The following PTPRS variants were observed in gnomAD, a reference collection of about 807,000 sequenced individuals.
The protein encoded by PTPRS is protein tyrosine phosphatase receptor type S.
Under a neutral mutation model 215.3 loss-of-function variants are expected in PTPRS, and 63 were observed. That is an observed-to-expected ratio of 0.29 (90% CI 0.24 to 0.36). The LOEUF (loss-of-function observed/expected upper bound fraction) is 0.36, where lower values mean the gene tolerates loss of function less well. Among genes scored for constraint, PTPRS ranks in the 10% least tolerant of loss-of-function variants. The probability of loss-of-function intolerance (pLI) is 1.00; values close to 1 mark genes in which losing one functional copy is unlikely to be tolerated. For missense variants in PTPRS, 2,258 were observed against 2,825.8 expected, an observed-to-expected ratio of 0.80 and a Z score of 4.56; for synonymous variants, 1,404 against 1,191.4, an observed-to-expected ratio of 1.18 and a Z score of -3.68.
intron 1 of PTPRS, among the ~76,000 whole-genome samples, chr19:5,340,071 G>A (rs2050639613): frequency 6.6e-6 from 1 of 151,778 alleles, no homozygotes; most frequent in Non-Finnish European, 1.5e-5. Flanking sequence ...AGACTAGGGG[G>A]TCTCCAGGGG....
intron 4 of PTPRS, among the ~76,000 whole-genome samples, chr19:5,266,098 T>G (rs1482689959): frequency 6.6e-6 from 1 of 151,646 alleles, no homozygotes; most frequent in African/African-American, 2.4e-5. Context: ...CTGTCTCCAT[T>G]AAAAACAAAA....
intron 35 of PTPRS, among the ~76,000 whole-genome samples, chr19:5,208,692 A>AACTT (rs1251619229): frequency 1.3e-5 from 2 of 151,896 alleles, no homozygotes; most frequent in African/African-American, 4.8e-5. Flanking sequence ...TTACCCTGAC[A>AACTT]ACTTACCGTC....
At chr19:5,328,389 C>T (rs991493515) in intron 1 of PTPRS, among the ~76,000 whole-genome samples, 8 of 151,990 alleles carry the variant, frequency 5.3e-5, no homozygotes, top group African/African-American at 9.7e-5. Context: ...GGATTACAGG[C>T]GTGCACCACC....
At chr19:5,292,983 A>T (rs1301230343) in intron 1 of PTPRS, among the ~76,000 whole-genome samples, 2 of 152,058 alleles carry the variant, frequency 1.3e-5, no homozygotes, top group Non-Finnish European at 2.9e-5. Context: ...CAGCAGGCCC[A>T]AGCTGGCCCT....
intron 2 of PTPRS, among the ~76,000 whole-genome samples, chr19:5,283,971 T>C (rs1397099583): frequency 6.6e-6 from 1 of 151,992 alleles, no homozygotes; most frequent in Non-Finnish European, 1.5e-5. Context: ...TCCCAGTACT[T>C]TGGGAGGCTG....
At chr19:5,215,462 CGAGGTGAT>C in intron 27 of PTPRS, 28 bp downstream of exon 27, 1 of 1,566,126 alleles carries the variant, frequency 6.4e-7, no homozygotes, top group Non-Finnish European at 8.7e-7. Flanking sequence ...CCTGTGAGGC[CGAGGTGAT>C]GAGGGTGGGA....
In PTPRS at chr19:5,295,101, G is replaced by A. The variant is rs375476972; in HGVS notation, c.-94-8867C>T. Among the ~76,000 whole-genome samples the A allele has an allele frequency of 1.3e-5, 2 of 152,190 alleles. No individual in the cohort carries two copies. Among genetic ancestry groups the A allele is most frequent in the Non-Finnish European group, 1.5e-5 (1 of 68,026 alleles). On this transcript the variant is annotated intron_variant, in intron 1 of 37. Coordinates refer to ENST00000262963, the MANE Select transcript of PTPRS (RefSeq NM_002850.4). The surrounding 1 kb of genome is among the most constrained non-coding windows in gnomAD (Gnocchi z 4.6). The stretch of plus-strand genomic sequence containing the variant: ...CTTGCTTGTATCTGTGGCAAGGCAC[G>A]GGGCTCATACAGACTCGAGTTTGAA...
chr19:5,278,106 A>G, intron 2 of PTPRS: 2 of 634,188 alleles, frequency 3.2e-6, no homozygotes, highest in Non-Finnish European at 5.3e-6. Flanking sequence ...ACCAACCCCA[A>G]TGCCAGGCTG....
intron 9 of PTPRS, chr19:5,251,130 G>A (rs1418794050): frequency 2.0e-5 from 3 of 152,942 alleles, no homozygotes; most frequent in Non-Finnish European, 4.4e-5. Flanking sequence ...GGAGGGGTTG[G>A]AAACATTCCT....
intron 16 of PTPRS, among the ~76,000 whole-genome samples, chr19:5,226,672 C>T (rs2042530376): frequency 6.6e-6 from 1 of 152,064 alleles, no homozygotes; most frequent in African/African-American, 2.4e-5. Flanking sequence ...TCACTTGAAC[C>T]CAGGAGGCGG....
At chr19:5,269,781 C>T (rs972623384) in intron 4 of PTPRS, among the ~76,000 whole-genome samples, 15 of 152,090 alleles carry the variant, frequency 9.9e-5, no homozygotes, top group African/African-American at 1.4e-4. Flanking sequence ...ATTAGCTGGG[C>T]GTGCTAGTGG....
chr19:5,262,925 G>A, intron 6 of PTPRS, 39 bp downstream of exon 6: 1 of 1,559,506 alleles, frequency 6.4e-7, no homozygotes, highest in Non-Finnish European at 8.8e-7. Flanking sequence ...AAAGGGGATG[G>A]GGCGTTAGTT....
chr19:5,272,977 CA>C (rs1168589953), intron 4 of PTPRS: 1 of 193,632 alleles, frequency 5.2e-6, no homozygotes, highest in East Asian at 1.4e-4. Context: ...GAATGGGATC[CA>C]AGTTCATTGG....
chr19:5,229,260 A>G, intron 16 of PTPRS, 56 bp downstream of exon 16: 4 of 1,359,164 alleles, frequency 2.9e-6, no homozygotes, highest in South Asian at 4.5e-5. Flanking sequence ...GTCACAGCAC[A>G]GCACGGCCCG....
intron 1 of PTPRS, among the ~76,000 whole-genome samples, chr19:5,300,113 C>T (rs886931937): frequency 6.6e-6 from 1 of 151,598 alleles, no homozygotes; most frequent in African/African-American, 2.4e-5. Flanking sequence ...TGGTGGTGCA[C>T]ACCTGTAGCC....
intron 24 of PTPRS, 60 bp downstream of exon 24, chr19:5,218,722 TATCAG>T (rs2145262037): frequency 6.3e-7 from 1 of 1,582,910 alleles, no homozygotes; most frequent in East Asian, 2.2e-5. Flanking sequence ...GTGGGCACAC[TATCAG>T]CCCATTCCCT....
At chr19:5,268,095 G>A (rs1365931927) in intron 4 of PTPRS, among the ~76,000 whole-genome samples, 8 of 151,888 alleles carry the variant, frequency 5.3e-5, no homozygotes, top group South Asian at 4.2e-4. Context: ...GCGTGAAGCC[G>A]GGAGGCGGAC....
At chr19:5,320,004 G>A (rs1053617943) in intron 1 of PTPRS, among the ~76,000 whole-genome samples, 2 of 152,198 alleles carry the variant, frequency 1.3e-5, no homozygotes, top group East Asian at 1.9e-4. Flanking sequence ...TCAGGGTCCC[G>A]GCACAGAGCC....
At chr19:5,266,952 A>G (rs1046173280) in intron 4 of PTPRS, among the ~76,000 whole-genome samples, 1 of 152,058 alleles carries the variant, frequency 6.6e-6, no homozygotes, top group Non-Finnish European at 1.5e-5. Context: ...AAATGCCCCC[A>G]CACTCCTCAC....
Sources: gnomAD v4.1 joint callset for allele counts (sites outside exome capture counted in the v4.1 genomes callset) on GRCh38, gnomAD v4.1.1 for gene constraint, Gnocchi (gnomAD v3.1) non-coding constraint, MANE v1.5 for transcripts, NCBI Gene and HGNC (gene_info 2026-07-23, HGNC 2026-07-21) for gene names.